Variants in ANK2 observed in about 807,000 individuals in gnomAD.
The protein encoded by ANK2 is ankyrin-2.
A neutral mutation model predicts 360.5 loss-of-function variants in ANK2; 83 were observed. That is an observed-to-expected ratio of 0.23 (90% CI 0.19 to 0.28). The LOEUF (loss-of-function observed/expected upper bound fraction) is 0.28. Ranked by LOEUF, ANK2 falls within the 10% of genes least tolerant of loss-of-function variation. ANK2 has a pLI of 1.00. For synonymous variants in ANK2, 1,740 were observed against 1,759.5 expected, an observed-to-expected ratio of 0.99 and a Z score of 0.28; for missense variants, 4,201 against 4,795.7, an observed-to-expected ratio of 0.88 and a Z score of 3.66.
chr4:113,381,563 C>T lies in ANK2; in HGVS notation c.*92C>T. The T allele has an allele frequency of 1.9e-6, 3 of 1,610,852 alleles. No individual in the cohort carries two copies. Among genetic ancestry groups the T allele is most frequent in the Non-Finnish European group, 2.5e-6 (3 of 1,178,324 alleles). The stretch of plus-strand genomic sequence containing the variant: ...GGAGGATGTACCAGAAGCACTAGAC[C>T]AGGACGACCTCCAGCGCGATCTCCA... On this transcript the variant is annotated 3_prime_UTR_variant, in exon 46 of 46. Coordinates refer to ENST00000357077, the MANE Select transcript of ANK2 (RefSeq NM_001148.6).
intron 2 of ANK2, among the ~76,000 whole-genome samples, chr4:112,905,475 T>G (rs1053827204): frequency 2.0e-5 from 3 of 152,218 alleles, no homozygotes; most frequent in Non-Finnish European, 4.4e-5. Context: ...ATTCAGGTCA[T>G]GTACTATTGA....
At chr4:113,264,780 A>G in intron 13 of ANK2, 117 bp from the exon 14 acceptor site, 4 of 997,076 alleles carry the variant, frequency 4.0e-6, no homozygotes, top group Admixed American at 2.0e-5. Context: ...ATGCCTTTTC[A>G]TAGGTTTCTT....
In ANK2 at chr4:113,356,896, G is replaced by A; in HGVS notation, c.8278G>A (p.Asp2760Asn). 2 of 1,614,068 alleles carry A rather than the reference G, an allele frequency of 1.2e-6. No homozygotes were observed. Among genetic ancestry groups the A allele is most frequent in the Non-Finnish European group, 1.7e-6 (2 of 1,179,984 alleles). ...CACTGAGGCTGAAGACAGGTCTTAT[G>A]ATAAGCTAAACAGAGACACTGATCA... ...VSTEAEDRSY[D>N]KLNRDTDQPK... is the part of the protein sequence containing the mutation. Residue 2760 changes from aspartate (D) to asparagine (N), a missense_variant, in exon 38 of 46, where the codon GAT (aspartate) becomes AAT (asparagine). Around this residue, in one of 4 missense-constraint regions of ANK2, gnomAD observed 2,642 missense variants for 2,714.5 expected, o/e 0.97. Transcript: ENST00000357077.
chr4:113,101,864 A>C (rs1319644183), intron 1 of ANK2, among the ~76,000 whole-genome samples: 1 of 152,124 alleles, frequency 6.6e-6, no homozygotes, highest in Non-Finnish European at 1.5e-5. Context: ...GTCAGATGCA[A>C]GAATGAGGAC....
intron 2 of ANK2, among the ~76,000 whole-genome samples, chr4:112,965,629 T>C (rs1380215765): frequency 1.3e-5 from 2 of 152,210 alleles, no homozygotes; most frequent in African/African-American, 4.8e-5. Flanking sequence ...TTAATCTACT[T>C]TGAATTGATT....
At chr4:112,849,070 G>C (rs1463097362) in intron 1 of ANK2, among the ~76,000 whole-genome samples, 1 of 152,226 alleles carries the variant, frequency 6.6e-6, no homozygotes, top group African/African-American at 2.4e-5. Context: ...AACCATGTAA[G>C]GGATTTACAG....
Position 113,318,567 on chromosome 4 carries a change from G to A in ANK2, c.2847G>A (p.Trp949Ter). 1 of 1,613,762 alleles carries A rather than the reference G, an allele frequency of 6.2e-7. No individual in the cohort carries two copies. Among genetic ancestry groups the A allele is most frequent in the Non-Finnish European group, 8.5e-7 (1 of 1,179,816 alleles). Residue 949 changes from tryptophan to a stop codon, truncating the protein, a stop_gained, in exon 26 of 46, where the codon TGG becomes TGA. Transcript: ENST00000357077. LOFTEE classifies it high-confidence loss of function. The stretch of plus-strand genomic sequence containing the variant: ...AAAGGAATTCTTATCGCCTAAGCTG[G>A]GGCACTGAGAACTTAGACAACGTGG... The part of the protein sequence containing the change: ...EAERNSYRLS[W>*]GTENLDNVAL...
intron 2 of ANK2, 93 bp from the exon 3 acceptor site, chr4:113,196,271 AGTCT>A (rs1336961255): frequency 3.4e-6 from 3 of 883,236 alleles, no homozygotes; most frequent in Non-Finnish European, 5.6e-6. Flanking sequence ...AAGAGATCAG[AGTCT>A]GTCTGTTCTC....
At chr4:113,008,550 T>C (rs2053678110) in intron 2 of ANK2, among the ~76,000 whole-genome samples, 2 of 152,194 alleles carry the variant, frequency 1.3e-5, no homozygotes, top group African/African-American at 4.8e-5. Context: ...GTTTAACTTA[T>C]GTTTGGTGCA....
Position 113,383,436 on chromosome 4 carries a change from A to C in ANK2, c.*1965A>C, listed in dbSNP as rs2097201350. The stretch of plus-strand genomic sequence containing the variant: ...CTTGTCAAAACCTTCACTGGAGCTC[A>C]AGAAAAGCATTTCTGTTGTGTTATT... On this transcript the variant is annotated 3_prime_UTR_variant, in exon 46 of 46. Transcript: ENST00000357077. 1 of 152,630 alleles carries C rather than the reference A, an allele frequency of 6.6e-6. No individual in the cohort carries two copies. The highest frequency in any genetic ancestry group is 2.4e-5 in the African/African-American group (1 of 41,456). The allele number at this position is 152,630 out of a possible 1,614,324, so 9.5% of individuals were successfully genotyped here.
chr4:112,705,628 G>C, the ANK2 span, among the ~76,000 whole-genome samples: 1 of 152,248 alleles, frequency 6.6e-6, no homozygotes, highest in Non-Finnish European at 1.5e-5. Context: ...GTCCGCCAGT[G>C]ATGCGGGAGC....
chr4:113,258,011 T>C (rs2153633120), intron 11 of ANK2, 39 bp from the exon 12 acceptor site: 12 of 1,548,366 alleles, frequency 7.8e-6, no homozygotes, highest in Non-Finnish European at 1.1e-5. Flanking sequence ...GAGAATTGTT[T>C]CTGCATGTTT....
rs2098409401 is a variant in ANK2, at chr4:113,181,372, T to A, written c.186+6855T>A. Among the ~76,000 whole-genome samples the A allele has an allele frequency of 2.6e-5, 4 of 152,188 alleles. No homozygotes were observed. In the South Asian group the frequency reaches 8.3e-4, roughly 32 times the overall value. On this transcript the variant is annotated intron_variant, in intron 2 of 45. Transcript: ENST00000357077. ...CAGCCACTCCACTCTTCCTAGCTCA[T>A]CTTAGATAGTAGAATCGCAGCATTT...
rs1057307096 is a variant in ANK2 at position 112,978,764 on chromosome 4, A to C, written c.21+74250A>C. On this transcript the variant is annotated intron_variant, in intron 2 of 30. Transcript: ENST00000503271. Reference sequence around the variant, plus strand: ...TTTCCATACTGTTAAAGAATTTCCCAGTGACTTAATGCTTCTAAGCCTATA... The same window carrying C: ...TTTCCATACTGTTAAAGAATTTCCCCGTGACTTAATGCTTCTAAGCCTATA... 1.4e-4 allele frequency among the ~76,000 whole-genome samples: 21 copies of C among 152,314 alleles called. No individual in the cohort carries two copies. In the East Asian group the frequency reaches 1.9e-3, roughly 14 times the overall value.
intron 1 of ANK2, among the ~76,000 whole-genome samples, chr4:113,162,125 T>C (rs2097559499): frequency 6.6e-6 from 1 of 152,218 alleles, no homozygotes. Flanking sequence ...GTGTCACTTA[T>C]TACACGCAAA....
chr4:112,794,795 A>G, the ANK2 span, among the ~76,000 whole-genome samples: 1 of 152,226 alleles, frequency 6.6e-6, no homozygotes, highest in Non-Finnish European at 1.5e-5. Flanking sequence ...GCCTGCCAAC[A>G]TAAAAGTTTG....
chr4:112,905,984 G>A (rs1340260101), intron 2 of ANK2, among the ~76,000 whole-genome samples: 1 of 152,030 alleles, frequency 6.6e-6, no homozygotes, highest in Non-Finnish European at 1.5e-5. Context: ...TTTTAGAAGG[G>A]CAGATATTAC....
Position 113,357,313 on chromosome 4 carries a change from A to G in ANK2, c.8695A>G (p.Thr2899Ala). 6.2e-7 allele frequency: 1 copy of G among 1,614,058 alleles called. No individual in the cohort carries two copies. The highest frequency in any genetic ancestry group is 8.5e-7 in the Non-Finnish European group (1 of 1,179,982). ...DCPSQDSSIT[T>A]QTDRFSMDVP... ...CCCCTCTCAAGACTCATCCATTACT[A>G]CTCAAACAGATAGATTTTCCATGGA... The change falls in exon 38 of 46, where the codon ACT (threonine) becomes GCT (alanine). Residue 2899 changes from threonine (T) to alanine (A), a missense_variant. Thr to Ala is a moderately conservative substitution (Grantham distance 58). Coordinates refer to ENST00000357077, the MANE Select transcript of ANK2 (RefSeq NM_001148.6).
At chr4:112,935,094 G>A (rs907380908) in intron 2 of ANK2, among the ~76,000 whole-genome samples, 8 of 150,936 alleles carry the variant, frequency 5.3e-5, no homozygotes, top group African/African-American at 2.0e-4. Context: ...AAGCAAGGAG[G>A]AAGTGTAGGA....
Sources: allele counts gnomAD v4.1 joint callset (sites outside exome capture counted in the v4.1 genomes callset), GRCh38; gene constraint gnomAD v4.1.1; regional missense constraint gnomAD v4.1.1; transcripts MANE v1.5; gene names NCBI Gene and HGNC (gene_info 2026-07-23, HGNC 2026-07-21).